Variants in SEZ6L observed in about 807,000 individuals in gnomAD.
The protein encoded by SEZ6L is seizure 6-like protein.
SEZ6L carries 37 observed loss-of-function variants against 106.2 expected under a neutral mutation model. The observed-to-expected ratio is 0.35, with a 90% confidence interval of 0.27 to 0.46. The LOEUF (loss-of-function observed/expected upper bound fraction) is 0.46. Ranked by LOEUF, SEZ6L falls within the 20% of genes least tolerant of loss-of-function variation. The pLI is 1.00. For missense variants in SEZ6L, 1,172 were observed against 1,332.8 expected (o/e 0.88, Z 1.88); for synonymous variants, 541 against 570.4 (o/e 0.95, Z 0.73).
At chr22:26,279,188 T>C (rs977557768) in intron 1 of SEZ6L, among the ~76,000 whole-genome samples, 2 of 152,156 alleles carry the variant, frequency 1.3e-5, no homozygotes, top group African/African-American at 4.8e-5. Flanking sequence ...TTAGGCAAGT[T>C]TTTTGAGTGT....
In SEZ6L at chr22:26,382,785, T is replaced by A. The variant is rs1328328919; in HGVS notation, c.*2490T>A. On this transcript the variant is annotated 3_prime_UTR_variant, in exon 17 of 17. Transcript: ENST00000248933. The stretch of plus-strand genomic sequence containing the variant: ...GTGCAAGGCATCTCATTACAGCTCA[T>A]GTACGTCTGTTTTTATAAGATCAAT... 6.6e-6 allele frequency: 1 copy of A among 152,232 alleles called. No homozygotes were observed. The highest frequency in any genetic ancestry group is 2.4e-5 in the African/African-American group (1 of 41,468). The allele number at this position is 152,232 out of a possible 1,614,324, so 9.4% of individuals were successfully genotyped here.
At position 26,242,185 on chromosome 22, in the gene SEZ6L, G is replaced by T. The variant is rs375617573; in HGVS notation, c.95-50221G>T. On this transcript the variant is annotated intron_variant, in intron 1 of 16. Coordinates refer to ENST00000248933, the MANE Select transcript of SEZ6L (RefSeq NM_021115.5). The stretch of plus-strand genomic sequence containing the variant: ...ATTCCCCATTTCTGTCTCAGTGCAC[G>T]GGGTTGCATGCCATGCCCAGCACAG... 3.3e-5 allele frequency among the ~76,000 whole-genome samples: 5 copies of T among 152,216 alleles called. No individual in the cohort carries two copies. In the South Asian group the frequency reaches 6.2e-4, roughly 19 times the overall value.
At chr22:26,261,952 A>G (rs1282439835) in intron 1 of SEZ6L, among the ~76,000 whole-genome samples, 2 of 152,134 alleles carry the variant, frequency 1.3e-5, no homozygotes. Flanking sequence ...CTGAGTGATC[A>G]TCCAGAAGTG....
chr22:26,274,043 C>G (rs1411616325), intron 1 of SEZ6L, among the ~76,000 whole-genome samples: 1 of 152,110 alleles, frequency 6.6e-6, no homozygotes, highest in Non-Finnish European at 1.5e-5. Context: ...GATCACCCAT[C>G]CATAGAACAC....
chr22:26,224,754 T>C (rs1010992899), intron 1 of SEZ6L, among the ~76,000 whole-genome samples: 1 of 152,130 alleles, frequency 6.6e-6, no homozygotes, highest in East Asian at 1.9e-4. Flanking sequence ...AAGGAGAAGG[T>C]AGGCAATCAA....
intron 12 of SEZ6L, among the ~76,000 whole-genome samples, chr22:26,360,941 C>T (rs1006218704): frequency 2.0e-5 from 3 of 152,024 alleles, no homozygotes; most frequent in Admixed American, 2.0e-4. Flanking sequence ...GTATTCTGGA[C>T]TCTGGGAGTT....
At chr22:26,308,299 A>G (rs2145917533) in intron 6 of SEZ6L, among the ~76,000 whole-genome samples, 1 of 152,152 alleles carries the variant, frequency 6.6e-6, no homozygotes, top group South Asian at 2.1e-4. Context: ...GAGGATGAGC[A>G]CAAAGATGGA....
intron 16 of SEZ6L, among the ~76,000 whole-genome samples, chr22:26,378,271 G>A (rs1316676968): frequency 6.6e-6 from 1 of 152,138 alleles, no homozygotes; most frequent in Non-Finnish European, 1.5e-5. Flanking sequence ...CATCTGCTGG[G>A]CACTTTAAAT....
Position 26,169,738 on chromosome 22 carries a change from G to C in SEZ6L, c.69G>C (p.Gly23=). 1 of 1,264,960 alleles carries C rather than the reference G, an allele frequency of 7.9e-7. No individual in the cohort carries two copies. Among genetic ancestry groups the C allele is most frequent in the Non-Finnish European group, 9.9e-7 (1 of 1,006,266 alleles). 78.4% of individuals were successfully genotyped at this position (1,264,960 alleles called of 1,614,324 possible). The change falls in exon 1 of 17, where the codon GGG becomes GGC. Residue 23 remains glycine (G), a synonymous_variant. Transcript: ENST00000248933. The stretch of plus-strand genomic sequence containing the variant: ...CGCTGTTCCTCGCTCTGCTCCTGGG[G>C]AGCCCGGCGGCAGCGCTGGAGCGAG... The part of the protein sequence containing the change: ...GISLFLALLL[G]SPAAALERDA...
chr22:26,232,425 C>T (rs984994817), intron 1 of SEZ6L, among the ~76,000 whole-genome samples: 6 of 151,190 alleles, frequency 4.0e-5, no homozygotes, highest in African/African-American at 7.3e-5. Flanking sequence ...AACAGACAGA[C>T]GTGTATTCAA....
At chr22:26,355,743 CAGAAA>C (rs150501916) in intron 12 of SEZ6L, among the ~76,000 whole-genome samples, 7 of 152,048 alleles carry the variant, frequency 4.6e-5, no homozygotes, top group Middle Eastern at 3.4e-3. Context: ...AACATAGAAA[CAGAAA>C]AGAAAAGAAA....
intron 1 of SEZ6L, among the ~76,000 whole-genome samples, chr22:26,234,098 G>C (rs539802315): frequency 6.6e-6 from 1 of 152,320 alleles, no homozygotes; most frequent in East Asian, 1.9e-4. Context: ...TGGCATGGGG[G>C]ACGTGAATCA....
chr22:26,282,898 T>A (rs2080817795), intron 1 of SEZ6L, among the ~76,000 whole-genome samples: 1 of 152,084 alleles, frequency 6.6e-6, no homozygotes, highest in Non-Finnish European at 1.5e-5. Flanking sequence ...AATGTGTAAA[T>A]CTTTTGGCTG....
chr22:26,376,995 A>G (rs1221994835), intron 15 of SEZ6L, among the ~76,000 whole-genome samples: 3 of 151,904 alleles, frequency 2.0e-5, no homozygotes, highest in Non-Finnish European at 2.9e-5. Flanking sequence ...ATAGATGGTC[A>G]GGGGCCAGGC....
chr22:26,266,728 T>C (rs1350808703), intron 1 of SEZ6L, among the ~76,000 whole-genome samples: 1 of 152,116 alleles, frequency 6.6e-6, no homozygotes, highest in Non-Finnish European at 1.5e-5. Context: ...AAGTCTGACT[T>C]TCTTTCTAGA....
At chr22:26,278,168 C>T (rs1291350996) in intron 1 of SEZ6L, among the ~76,000 whole-genome samples, 3 of 152,156 alleles carry the variant, frequency 2.0e-5, no homozygotes, top group African/African-American at 4.8e-5. Context: ...CGGTTTAGAA[C>T]GATCTCTCTG....
intron 1 of SEZ6L, among the ~76,000 whole-genome samples, chr22:26,215,116 G>A (rs894467365): frequency 6.6e-6 from 1 of 152,196 alleles, no homozygotes; most frequent in Non-Finnish European, 1.5e-5. Context: ...GGTTAGAAGC[G>A]AAGACCGAAT....
intron 1 of SEZ6L, among the ~76,000 whole-genome samples, chr22:26,252,408 A>T (rs1469229222): frequency 2.6e-5 from 4 of 152,224 alleles, no homozygotes; most frequent in Non-Finnish European, 5.9e-5. Context: ...ACATGTGTGT[A>T]TATATATAGA....
At chr22:26,239,743 A>G (rs193272936) in intron 1 of SEZ6L, among the ~76,000 whole-genome samples, 19 of 152,178 alleles carry the variant, frequency 1.2e-4, no homozygotes, top group African/African-American at 4.1e-4. Context: ...TGACTCACAG[A>G]GCCGCTGAGG....
Sources: allele counts gnomAD v4.1 joint callset (sites outside exome capture counted in the v4.1 genomes callset), GRCh38; gene constraint gnomAD v4.1.1; transcripts MANE v1.5; gene names NCBI Gene and HGNC (gene_info 2026-07-23, HGNC 2026-07-21).